Variants in IGFL2 observed in about 807,000 individuals in gnomAD.
The protein encoded by IGFL2 is IGF like family member 2.
A neutral mutation model predicts 13.9 loss-of-function variants in IGFL2; 7 were observed. That is an observed-to-expected ratio of 0.51 (90% CI 0.29 to 0.95). The LOEUF (loss-of-function observed/expected upper bound fraction) is 0.95, where lower values mean the gene tolerates loss of function less well. Ranked by LOEUF, IGFL2 falls within the 40% of genes least tolerant of loss-of-function variation. IGFL2 has a pLI of 0.08. For synonymous variants in IGFL2, 55 were observed against 55.8 expected, an observed-to-expected ratio of 0.99 and a Z score of 0.07; for missense variants, 138 against 147.8, an observed-to-expected ratio of 0.93 and a Z score of 0.34.
chr19:46,107,864 G>A, the IGFL2 span, among the ~76,000 whole-genome samples: 1 of 152,176 alleles, frequency 6.6e-6, no homozygotes, highest in African/African-American at 2.4e-5. Flanking sequence ...AATGGGCCAT[G>A]AACTGGGCTG....
chr19:46,118,276 A>G, the IGFL2 span, among the ~76,000 whole-genome samples: 2 of 152,184 alleles, frequency 1.3e-5, no homozygotes, highest in African/African-American at 4.8e-5. Context: ...CCCCACAGAG[A>G]AAACCAGAAT....
chr19:46,188,636 G>A, the IGFL2 span, among the ~76,000 whole-genome samples: 6 of 152,156 alleles, frequency 3.9e-5, no homozygotes, highest in African/African-American at 1.2e-4. Flanking sequence ...ATGACCAATG[G>A]TTTTCAGATG....
chr19:46,124,644 C>T, the IGFL2 span: 9 of 1,608,720 alleles, frequency 5.6e-6, no homozygotes, highest in Admixed American at 1.7e-5. Flanking sequence ...AGCATCGTGG[C>T]CTCATGCTTC....
the IGFL2 span, among the ~76,000 whole-genome samples, chr19:46,188,296 G>C: frequency 6.6e-6 from 1 of 152,076 alleles, no homozygotes; most frequent in Non-Finnish European, 1.5e-5. Flanking sequence ...TGTGTGTACT[G>C]TAGACACCCA....
At chr19:46,190,880 G>A in the IGFL2 span, among the ~76,000 whole-genome samples, 6 of 152,044 alleles carry the variant, frequency 3.9e-5, no homozygotes, top group Admixed American at 1.3e-4. Flanking sequence ...TCTGGCCCTC[G>A]CCCTCAGAAG....
intron 1 of IGFL2, 99 bp from the exon 2 acceptor site, chr19:46,160,316 C>A: frequency 9.8e-7 from 1 of 1,020,970 alleles, no homozygotes; most frequent in South Asian, 1.4e-5. Context: ...TAGAGCTAAT[C>A]TGGAACTAAG....
chr19:46,212,802 A>G, the IGFL2 span: 1 of 151,970 alleles, frequency 6.6e-6, no homozygotes, highest in African/African-American at 2.4e-5. Context: ...CTGCATCACC[A>G]GTGTCTGACA....
chr19:46,184,489 A>G, the IGFL2 span, among the ~76,000 whole-genome samples: 3 of 151,134 alleles, frequency 2.0e-5, no homozygotes, highest in Non-Finnish European at 3.0e-5. Flanking sequence ...TCATTGTTCA[A>G]CTCCCACTTA....
the IGFL2 span, chr19:46,123,831 G>A: frequency 4.6e-6 from 7 of 1,538,316 alleles, no homozygotes; most frequent in South Asian, 2.5e-5. Context: ...CAAGCCCTCT[G>A]TATCCCTCAT....
the IGFL2 span, among the ~76,000 whole-genome samples, chr19:46,172,731 T>A: frequency 3.3e-5 from 5 of 152,248 alleles, no homozygotes; most frequent in Admixed American, 1.3e-4. Context: ...ATATATATTT[T>A]TTTTCAGACA....
the IGFL2 span, among the ~76,000 whole-genome samples, chr19:46,089,327 C>T: frequency 1.3e-5 from 2 of 152,088 alleles, no homozygotes; most frequent in African/African-American, 2.4e-5. Context: ...CTTTTTATGT[C>T]GCATATCTCT....
chr19:46,143,653 G>C (rs190387460), upstream of IGFL2, among the ~76,000 whole-genome samples: 8 of 152,266 alleles, frequency 5.3e-5, no homozygotes, highest in Non-Finnish European at 7.4e-5. Flanking sequence ...CATTGTTCAA[G>C]AGTCAACTGT....
the IGFL2 span, among the ~76,000 whole-genome samples, chr19:46,103,650 G>T: frequency 2.6e-5 from 4 of 152,162 alleles, no homozygotes; most frequent in African/African-American, 9.7e-5. Context: ...TGAGAATGGT[G>T]AATAGGAATA....
chr19:46,088,252 A>G, the IGFL2 span, among the ~76,000 whole-genome samples: 1 of 152,234 alleles, frequency 6.6e-6, no homozygotes, highest in Non-Finnish European at 1.5e-5. Context: ...AAAAGAGGCA[A>G]GTACCCAGTG....
intron 1 of IGFL2, among the ~76,000 whole-genome samples, chr19:46,150,912 CT>C (rs1306701038): frequency 6.6e-6 from 1 of 152,218 alleles, no homozygotes; most frequent in Non-Finnish European, 1.5e-5. Context: ...AGCAACCCTC[CT>C]CCTTGGCCTC....
the IGFL2 span, among the ~76,000 whole-genome samples, chr19:46,130,768 C>G: frequency 6.6e-6 from 1 of 152,076 alleles, no homozygotes; most frequent in African/African-American, 2.4e-5. Context: ...ATACACTATT[C>G]AGAATAATTG....
chr19:46,191,722 C>A, the IGFL2 span, among the ~76,000 whole-genome samples: 1 of 152,098 alleles, frequency 6.6e-6, no homozygotes, highest in African/African-American at 2.4e-5. Flanking sequence ...TGCTGGGAAG[C>A]AGAAATGAGC....
chr19:46,139,343 A>ATTT (rs61483326), upstream of IGFL2, among the ~76,000 whole-genome samples: 2 of 146,726 alleles, frequency 1.4e-5, no homozygotes, highest in Non-Finnish European at 3.0e-5. Flanking sequence ...ATCAAAACCA[A>ATTT]TTTTTTTTTT....
the IGFL2 span, among the ~76,000 whole-genome samples, chr19:46,180,256 G>A: frequency 1.3e-5 from 2 of 148,948 alleles, no homozygotes; most frequent in Non-Finnish European, 3.0e-5. Flanking sequence ...TCAGCTCACT[G>A]CAACCTCCAC....
Sources: gnomAD v4.1 joint callset for allele counts (sites outside exome capture counted in the v4.1 genomes callset) on GRCh38, gnomAD v4.1.1 for gene constraint, MANE v1.5 for transcripts, NCBI Gene and HGNC (gene_info 2026-07-23, HGNC 2026-07-21) for gene names.